PRMT8: variants seen among roughly 807,000 people sequenced by gnomAD.
PRMT8 encodes protein arginine methyltransferase 8.
A neutral mutation model predicts 47.1 loss-of-function variants in PRMT8; 7 were observed. That is an observed-to-expected ratio of 0.15 (90% confidence interval 0.08 to 0.28). PRMT8 has a LOEUF of 0.28. PRMT8 is among the 10% of genes least tolerant of loss of function. The pLI, the probability that PRMT8 is intolerant of heterozygous loss-of-function variation, is 1.00. For synonymous variants in PRMT8, 188 were observed against 186.5 expected (o/e 1.01, Z -0.07); for missense variants, 237 against 505.4 (o/e 0.47, Z 5.09).
intron 1 of PRMT8, among the ~76,000 whole-genome samples, chr12:3,389,970 G>T (rs1234679316): frequency 6.6e-6 from 1 of 152,270 alleles, no homozygotes; most frequent in Non-Finnish European, 1.5e-5. Flanking sequence ...AGGCCCTTAG[G>T]AGCCTAACGC....
chr12:3,589,087 A>T (rs751863109), intron 8 of PRMT8, among the ~76,000 whole-genome samples: 1 of 152,346 alleles, frequency 6.6e-6, no homozygotes, highest in Middle Eastern at 3.4e-3. Context: ...CACTCTAATG[A>T]CCAAAGACTT....
rs900783425 is a variant in PRMT8, at chr12:3,493,008, T to G, written c.75+1308T>G. ...GGTCTTCTTCCCTCGAGTTCTTAAC[T>G]CTGCGCTAAAACCCCTACCCCACGG... On this transcript the variant is annotated intron_variant, in intron 1 of 9. Transcript: ENST00000382622. The surrounding 1 kb of genome is among the most constrained non-coding windows in gnomAD (Gnocchi z 8.2). Among the ~76,000 whole-genome samples the G allele has an allele frequency of 1.3e-5, 2 of 152,114 alleles. No homozygotes were observed. The highest frequency in any genetic ancestry group is 2.9e-5 in the Non-Finnish European group (2 of 68,018).
intron 6 of PRMT8, among the ~76,000 whole-genome samples, chr12:3,574,657 A>G (rs1866907160): frequency 6.6e-6 from 1 of 152,216 alleles, no homozygotes; most frequent in Non-Finnish European, 1.5e-5. Flanking sequence ...CCTCATAGCA[A>G]TCGTATGGGA....
At chr12:3,487,769 A>G (rs573041404), upstream of PRMT8, among the ~76,000 whole-genome samples, 1 of 152,258 alleles carries the variant, frequency 6.6e-6, no homozygotes, top group African/African-American at 2.4e-5. Context: ...ACCTCCTTAC[A>G]GTGTGGGGTT....
chr12:3,460,567 A>G (rs1324432632), intron 1 of PRMT8, among the ~76,000 whole-genome samples: 1 of 152,360 alleles, frequency 6.6e-6, no homozygotes, highest in Admixed American at 6.5e-5. Context: ...AGGGAATGGC[A>G]GAATGGGATG....
At position 3,491,389 on chromosome 12, in the gene PRMT8, GAGA is replaced by G. The variant is rs376579600; in HGVS notation, c.-232_-230del. On this transcript the variant is annotated 5_prime_UTR_variant, in exon 1 of 10. Transcript: ENST00000382622. ...GGGGCGGGGAGGGGGTCGGGGGCAC[GAGA>G]AGAACTTGAAACCGTGTGAAGGAAT... 6.2e-5 allele frequency: 76 copies of G among 1,230,044 alleles called. No homozygotes were observed. Among genetic ancestry groups the G allele is most frequent in the Non-Finnish European group, 7.3e-5 (72 of 984,126 alleles). 76.2% of individuals were successfully genotyped at this position (1,230,044 alleles called of 1,614,324 possible).
chr12:3,410,250 C>G (rs955335662), intron 1 of PRMT8, among the ~76,000 whole-genome samples: 3 of 152,192 alleles, frequency 2.0e-5, no homozygotes, highest in Non-Finnish European at 4.4e-5. Flanking sequence ...CAATTTTTAT[C>G]ACTTATACCT....
At position 3,492,228 on chromosome 12, in the gene PRMT8, C is replaced by A. The variant is rs1865428637; in HGVS notation, c.75+528C>A. Among the ~76,000 whole-genome samples, 1 of 152,108 alleles carries A rather than the reference C, an allele frequency of 6.6e-6. No individual in the cohort carries two copies. Among genetic ancestry groups the A allele is most frequent in the Non-Finnish European group, 1.5e-5 (1 of 68,008 alleles). ...CCGCAGCCGCGCGGAGAGCCCCCGG[C>A]CGCGGGGGCCGAGCCGGCAGGAGGA... On this transcript the variant is annotated intron_variant, in intron 1 of 9. Coordinates refer to ENST00000382622, the MANE Select transcript of PRMT8 (RefSeq NM_019854.5). The surrounding 1 kb of genome is among the most constrained non-coding windows in gnomAD (Gnocchi z 7.5).
chr12:3,388,051 T>TCCTTCCTTCCTTCCTTCCTTCCTC (rs71061113), intron 1 of PRMT8, among the ~76,000 whole-genome samples: 5 of 134,546 alleles, frequency 3.7e-5, no homozygotes, highest in African/African-American at 1.1e-4. Context: ...TTTCCTTCCT[T>TCCTTCCTTCCTTCCTTCCTTCCTC]CCTCCCTCCC....
At chr12:3,590,903 A>G (rs1027572914) in intron 8 of PRMT8, among the ~76,000 whole-genome samples, 1 of 152,174 alleles carries the variant, frequency 6.6e-6, no homozygotes, top group Non-Finnish European at 1.5e-5. Context: ...CCCTGCCCTC[A>G]TGGAGCTTGC....
chr12:3,539,473 G>C (rs1040210849), intron 1 of PRMT8, among the ~76,000 whole-genome samples: 1 of 152,102 alleles, frequency 6.6e-6, no homozygotes, highest in Non-Finnish European at 1.5e-5. Flanking sequence ...TGGATTCCCA[G>C]CCCTAGAGGA....
upstream of PRMT8, among the ~76,000 whole-genome samples, chr12:3,489,839 G>GCACACA (rs35501021): frequency 1.1e-3 from 153 of 144,854 alleles, 2 homozygotes; most frequent in African/African-American, 3.7e-3. Context: ...ACACACGCGC[G>GCACACA]CACACACACA....
At chr12:3,515,627 G>A (rs540021287) in intron 1 of PRMT8, among the ~76,000 whole-genome samples, 14 of 152,248 alleles carry the variant, frequency 9.2e-5, no homozygotes, top group Non-Finnish European at 2.1e-4. Flanking sequence ...TTGTGGACAT[G>A]CTGGCTTGAC....
In PRMT8 at chr12:3,569,956, G is replaced by A. The variant is rs986699233; in HGVS notation, c.712+392G>A. On this transcript the variant is annotated intron_variant, in intron 6 of 9. Transcript: ENST00000382622. The surrounding 1 kb of genome is among the most constrained non-coding windows in gnomAD (Gnocchi z 8.2). ...TCTGAAGTAGCAGGTCTCTTGCCAG[G>A]CCAATTGTTTTGAATCCTGCCTCCA... Among the ~76,000 whole-genome samples, 5 of 152,150 alleles carry A rather than the reference G, an allele frequency of 3.3e-5. No homozygotes were observed. In the South Asian group the frequency reaches 1.0e-3, roughly 32 times the overall value.
At chr12:3,435,771 C>T (rs1008700016) in intron 1 of PRMT8, among the ~76,000 whole-genome samples, 2 of 152,120 alleles carry the variant, frequency 1.3e-5, no homozygotes, top group Non-Finnish European at 2.9e-5. Context: ...CCACCGGCCT[C>T]GGCCTCCCAG....
intron 4 of PRMT8, among the ~76,000 whole-genome samples, chr12:3,559,356 C>T (rs997924013): frequency 1.3e-5 from 2 of 152,154 alleles, no homozygotes; most frequent in African/African-American, 4.8e-5. Flanking sequence ...TGGACCACAG[C>T]ATTTAGAAAC....
In PRMT8 at chr12:3,557,276, G is replaced by A. The variant is rs975435775; in HGVS notation, c.481+3562G>A. ...AGTGCGATTGGAGTAGAAGGTTGCC[G>A]GGATCAGGGCTTTGCTGGGAGCATG... On this transcript the variant is annotated intron_variant, in intron 4 of 9. Transcript: ENST00000382622. The surrounding 1 kb of genome is among the most constrained non-coding windows in gnomAD (Gnocchi z 4.7). 3.3e-5 allele frequency among the ~76,000 whole-genome samples: 5 copies of A among 152,176 alleles called. No homozygotes were observed. The highest frequency in any genetic ancestry group is 3.9e-4 in the East Asian group (2 of 5,190).
intron 8 of PRMT8, among the ~76,000 whole-genome samples, chr12:3,586,283 G>T (rs768745142): frequency 6.6e-6 from 1 of 152,138 alleles, no homozygotes; most frequent in African/African-American, 2.4e-5. Context: ...GCTCTGGGCT[G>T]CCTGAAAGAT....
At chr12:3,397,932 C>G (rs929427487) in intron 1 of PRMT8, among the ~76,000 whole-genome samples, 6 of 152,184 alleles carry the variant, frequency 3.9e-5, no homozygotes, top group Admixed American at 2.6e-4. Flanking sequence ...TTTTTAAGCC[C>G]GTCGGAAAAG....
Sources: gnomAD v4.1 joint callset for allele counts (sites outside exome capture counted in the v4.1 genomes callset) on GRCh38, gnomAD v4.1.1 for gene constraint, Gnocchi (gnomAD v3.1) non-coding constraint, MANE v1.5 for transcripts, NCBI Gene and HGNC (gene_info 2026-07-23, HGNC 2026-07-21) for gene names.